Variants in CAMTA1 observed in about 807,000 individuals in gnomAD.
CAMTA1 encodes calmodulin binding transcription activator 1.
In CAMTA1, 27 loss-of-function variants were observed where a neutral mutation model predicts 170.9. The ratio of observed to expected loss-of-function variants is 0.16; its 90% confidence interval spans 0.12 to 0.22. The LOEUF is 0.22. Among genes scored for constraint, CAMTA1 ranks in the 10% least tolerant of loss-of-function variants. The probability of loss-of-function intolerance (pLI) is 1.00; values close to 1 mark genes in which losing one functional copy is unlikely to be tolerated. For missense variants in CAMTA1, 1,619 were observed against 2,217.2 expected, an observed-to-expected ratio of 0.73 and a Z score of 5.42; for synonymous variants, 833 against 891.5, an observed-to-expected ratio of 0.93 and a Z score of 1.17.
intron 4 of CAMTA1, among the ~76,000 whole-genome samples, chr1:7,166,864 G>A (rs949547631): frequency 2.0e-5 from 3 of 150,952 alleles, no homozygotes; most frequent in Non-Finnish European, 2.9e-5. Context: ...AAGCTGGAGC[G>A]CAGTGGTGCA....
intron 5 of CAMTA1, among the ~76,000 whole-genome samples, chr1:7,406,210 A>G (rs2090275057): frequency 6.6e-6 from 1 of 152,228 alleles, no homozygotes; most frequent in African/African-American, 2.4e-5. Flanking sequence ...TGTCCTGGGC[A>G]TGGCAGAGAG....
intron 2 of CAMTA1, among the ~76,000 whole-genome samples, 177 bp downstream of exon 2, chr1:6,820,427 T>A: frequency 6.6e-6 from 1 of 152,310 alleles, no homozygotes; most frequent in African/African-American, 2.4e-5. Flanking sequence ...GCAAAAAGAA[T>A]GCTCTCCTCA....
chr1:7,247,051 C>G (rs1665930898), intron 4 of CAMTA1, among the ~76,000 whole-genome samples: 1 of 152,160 alleles, frequency 6.6e-6, no homozygotes, highest in South Asian at 2.1e-4. Context: ...TTCCTAGGAC[C>G]CTGAGTTGTG....
intron 6 of CAMTA1, among the ~76,000 whole-genome samples, chr1:7,572,487 T>C (rs2095136900): frequency 6.6e-6 from 1 of 152,242 alleles, no homozygotes; most frequent in Middle Eastern, 3.2e-3. Flanking sequence ...TACATTTAAG[T>C]CTTTAATCCA....
chr1:7,290,886 G>A (rs1435739588), intron 5 of CAMTA1, among the ~76,000 whole-genome samples: 2 of 151,900 alleles, frequency 1.3e-5, no homozygotes, highest in Non-Finnish European at 1.5e-5. Flanking sequence ...GTCCTAAAAT[G>A]TCCCTCATTT....
chr1:7,330,195 G>A (rs1380778814), intron 5 of CAMTA1, among the ~76,000 whole-genome samples: 4 of 152,196 alleles, frequency 2.6e-5, no homozygotes, highest in South Asian at 2.1e-4. Context: ...GGCTCTGCAC[G>A]TGAGATCTCT....
At chr1:7,190,049 G>A (rs771235413) in intron 4 of CAMTA1, among the ~76,000 whole-genome samples, 3 of 152,166 alleles carry the variant, frequency 2.0e-5, no homozygotes, top group African/African-American at 4.8e-5. Flanking sequence ...AACAAACATC[G>A]TATGTTCTCA....
At chr1:6,935,613 G>T (rs571683308) in intron 3 of CAMTA1, among the ~76,000 whole-genome samples, 1 of 152,172 alleles carries the variant, frequency 6.6e-6, no homozygotes, top group Non-Finnish European at 1.5e-5. Context: ...TATTCTGTGC[G>T]CCTGCTTTAA....
chr1:7,354,170 AC>A (rs1557575158), intron 5 of CAMTA1, among the ~76,000 whole-genome samples: 1 of 144,102 alleles, frequency 6.9e-6, no homozygotes, highest in African/African-American at 2.6e-5. Flanking sequence ...TTTTTTTGAG[AC>A]AGAGTCTTGT....
chr1:7,743,653 CT>C (rs2096834345), intron 16 of CAMTA1, among the ~76,000 whole-genome samples: 1 of 152,028 alleles, frequency 6.6e-6, no homozygotes, highest in Non-Finnish European at 1.5e-5. Context: ...CATTTTGTCA[CT>C]TTGTATAGTT....
chr1:6,823,538 C>G (rs1646763298), intron 2 of CAMTA1, among the ~76,000 whole-genome samples: 1 of 151,828 alleles, frequency 6.6e-6, no homozygotes, highest in Non-Finnish European at 1.5e-5. Flanking sequence ...GTTCATGGAC[C>G]AAAAAAGATT....
At chr1:7,038,289 T>C (rs988358427) in intron 3 of CAMTA1, among the ~76,000 whole-genome samples, 5 of 152,346 alleles carry the variant, frequency 3.3e-5, no homozygotes, top group Admixed American at 3.3e-4. Context: ...CATTGTGGCA[T>C]TGTTTGTCAT....
chr1:7,147,265 A>G (rs915622584), intron 4 of CAMTA1, among the ~76,000 whole-genome samples: 1 of 152,106 alleles, frequency 6.6e-6, no homozygotes, highest in Non-Finnish European at 1.5e-5. Flanking sequence ...CTAAAAATAC[A>G]AAAACAAAAT....
chr1:6,980,845 C>G (rs1197791810), intron 3 of CAMTA1, among the ~76,000 whole-genome samples: 1 of 152,226 alleles, frequency 6.6e-6, no homozygotes, highest in Non-Finnish European at 1.5e-5. Flanking sequence ...TTATAAATTA[C>G]TCAGTCTTGG....
intron 5 of CAMTA1, among the ~76,000 whole-genome samples, chr1:7,321,328 T>C (rs765066140): frequency 2.0e-5 from 3 of 152,186 alleles, no homozygotes; most frequent in Non-Finnish European, 2.9e-5. Flanking sequence ...AGCACTAGCC[T>C]TTACCGTTTT....
chr1:7,744,495 T>A (rs1336165719), intron 16 of CAMTA1, among the ~76,000 whole-genome samples: 1 of 152,182 alleles, frequency 6.6e-6, no homozygotes, highest in African/African-American at 2.4e-5. Context: ...TAACTAATAG[T>A]GACACCTCAT....
At chr1:7,449,140 A>G (rs2092750916) in intron 5 of CAMTA1, among the ~76,000 whole-genome samples, 2 of 152,220 alleles carry the variant, frequency 1.3e-5, no homozygotes, top group Non-Finnish European at 2.9e-5. Flanking sequence ...GCAAAGAAAG[A>G]AGAAGCTGAC....
chr1:7,419,193 G>A (rs893052579), intron 5 of CAMTA1, among the ~76,000 whole-genome samples: 2 of 63,834 alleles, frequency 3.1e-5, no homozygotes, highest in Non-Finnish European at 3.1e-5. Flanking sequence ...TTTTGCTCTT[G>A]TTGCCCAGGC....
chr1:7,498,289 T>A (rs1450203196), intron 6 of CAMTA1, among the ~76,000 whole-genome samples: 1 of 149,896 alleles, frequency 6.7e-6, no homozygotes, highest in Non-Finnish European at 1.5e-5. Context: ...TGAGCGTGTA[T>A]GAGCGTGACA....
Sources: gnomAD v4.1 joint callset for allele counts (sites outside exome capture counted in the v4.1 genomes callset) on GRCh38, gnomAD v4.1.1 for gene constraint, MANE v1.5 for transcripts, NCBI Gene and HGNC (gene_info 2026-07-23, HGNC 2026-07-21) for gene names.